The following CACNA1C variants were observed in gnomAD, a reference collection of about 807,000 sequenced individuals.
CACNA1C encodes calcium voltage-gated channel subunit alpha1 C, also known as voltage-dependent L-type calcium channel subunit alpha-1C.
Under a neutral mutation model 229.0 loss-of-function variants are expected in CACNA1C, and 30 were observed. The ratio of observed to expected loss-of-function variants is 0.13; its 90% CI spans 0.10 to 0.18. CACNA1C has a LOEUF of 0.18. CACNA1C is among the 10% of genes least tolerant of loss of function. The pLI, the probability that CACNA1C is intolerant of heterozygous loss-of-function variation, is 1.00. For synonymous variants in CACNA1C, 1,114 were observed against 1,132.5 expected, an observed-to-expected ratio of 0.98 and a Z score of 0.33; for missense variants, 1,658 against 2,845.0, an observed-to-expected ratio of 0.58 and a Z score of 9.49.
At chr12:2,623,616 A>T (rs546882100) in intron 29 of CACNA1C, among the ~76,000 whole-genome samples, 232 of 152,242 alleles carry the variant, frequency 1.5e-3, no homozygotes, top group Non-Finnish European at 2.8e-3. Flanking sequence ...TCCTTCCAGC[A>T]GGACTGGAAA....
rs140615509 is a variant in CACNA1C at position 2,586,016 on chromosome 12, G to T, written c.2530+112G>T. 1.3e-4 allele frequency: 77 copies of T among 592,970 alleles called. 2 individuals carry two copies. The African/African-American group carries it at 1.4e-3, about 10-fold the overall frequency. 36.7% of individuals were successfully genotyped at this position (592,970 alleles called of 1,614,324 possible). On this transcript the variant is annotated intron_variant, in intron 18 of 46. Coordinates refer to ENST00000399655, the MANE Select transcript of CACNA1C (RefSeq NM_000719.7). ...GGGACCATGGTTCCAGTGTCCCTCTGTAAGTACCTTCCACTGCTGAGTGTC... is the reference window on the plus strand; with the variant it reads ...GGGACCATGGTTCCAGTGTCCCTCTTTAAGTACCTTCCACTGCTGAGTGTC...
At chr12:2,314,763 G>A (rs1392315553) in intron 3 of CACNA1C, among the ~76,000 whole-genome samples, 1 of 152,040 alleles carries the variant, frequency 6.6e-6, no homozygotes, top group Non-Finnish European at 1.5e-5. Flanking sequence ...TACCCATTCT[G>A]TCATTGATGG....
At chr12:2,435,720 A>G (rs758323649) in intron 3 of CACNA1C, among the ~76,000 whole-genome samples, 2 of 152,106 alleles carry the variant, frequency 1.3e-5, no homozygotes, top group Non-Finnish European at 2.9e-5. Flanking sequence ...GTGCCCTTCA[A>G]CTTCTACTCT....
chr12:2,406,863 A>G (rs1214353583), intron 3 of CACNA1C, among the ~76,000 whole-genome samples: 2 of 152,200 alleles, frequency 1.3e-5, no homozygotes, highest in African/African-American at 4.8e-5. Flanking sequence ...TGTTCTGGGT[A>G]TTATGCAGCT....
intron 3 of CACNA1C, chr12:2,289,023 G>C (rs1266984914): frequency 6.6e-6 from 1 of 152,232 alleles, no homozygotes; most frequent in Non-Finnish European, 1.5e-5. Context: ...GGACCAAGCT[G>C]GGAGAACTAG....
At chr12:2,260,047 C>T (rs996149176) in intron 3 of CACNA1C, among the ~76,000 whole-genome samples, 11 of 152,226 alleles carry the variant, frequency 7.2e-5, no homozygotes, top group Non-Finnish European at 1.6e-4. Flanking sequence ...GAGAAACCAG[C>T]TTGCCTGGCA....
chr12:2,695,519 CAG>C lies in CACNA1C; in HGVS notation c.*4323_*4324del, dbSNP rs373898966. On this transcript the variant is annotated 3_prime_UTR_variant, in exon 47 of 47. Transcript: ENST00000399655. Reference sequence around the variant, plus strand: ...CACTCCCAGGGAGGCCCTCAGCCGCCAGAGTCCAGGTTCTCCAGAGGCTACGA... The same window carrying C: ...CACTCCCAGGGAGGCCCTCAGCCGCCAGTCCAGGTTCTCCAGAGGCTACGA... 4.6e-5 allele frequency: 7 copies of C among 152,528 alleles called. No homozygotes were observed. The highest frequency in any genetic ancestry group is 1.7e-4 in the African/African-American group (7 of 41,570). The allele number at this position is 152,528 out of a possible 1,614,324, so 9.4% of individuals were successfully genotyped here. A position where few individuals can be genotyped will look rare whatever the true frequency, so the allele number is the denominator to read the frequency against.
chr12:2,221,360 G>C (rs1474028778), intron 3 of CACNA1C, among the ~76,000 whole-genome samples: 1 of 152,202 alleles, frequency 6.6e-6, no homozygotes, highest in Non-Finnish European at 1.5e-5. Flanking sequence ...GAGGCCAGTT[G>C]GGTAGGAGAA....
chr12:2,010,358 G>A (rs187087783), intron 1 of CACNA1C, among the ~76,000 whole-genome samples: 217 of 152,298 alleles, frequency 1.4e-3, no homozygotes, highest in African/African-American at 4.8e-3. Flanking sequence ...GGCAGATAAT[G>A]GGGTGAAGAC....
At chr12:2,543,524 G>C (rs1482229267) in intron 9 of CACNA1C, among the ~76,000 whole-genome samples, 1 of 152,154 alleles carries the variant, frequency 6.6e-6, no homozygotes, top group Admixed American at 6.5e-5. Context: ...CTTGGTAATA[G>C]GAACACAAAC....
At chr12:2,496,241 A>G (rs1048061772) in intron 7 of CACNA1C, among the ~76,000 whole-genome samples, 1 of 152,324 alleles carries the variant, frequency 6.6e-6, no homozygotes. Context: ...TGGTGCTGGT[A>G]TGATGCTGCT....
intron 3 of CACNA1C, among the ~76,000 whole-genome samples, chr12:2,183,311 C>A (rs967702001): frequency 2.0e-5 from 3 of 152,176 alleles, no homozygotes; most frequent in African/African-American, 7.2e-5. Context: ...AGAGCTCCTT[C>A]GCCTGAGGGG....
At position 2,275,979 on chromosome 12, in the gene CACNA1C, C is replaced by T. The variant is rs2087782043; in HGVS notation, c.477+155549C>T. 6.6e-6 allele frequency among the ~76,000 whole-genome samples: 1 copy of T among 152,140 alleles called. No homozygotes were observed. The highest frequency in any genetic ancestry group is 2.4e-5 in the African/African-American group (1 of 41,412). On this transcript the variant is annotated intron_variant, in intron 3 of 46. Transcript: ENST00000399655. The surrounding 1 kb of genome is among the most constrained non-coding windows in gnomAD (Gnocchi z 4.1). ...CTCAGATACAAAACCCAAGGATGCC[C>T]ATGTCCTTTTATGTATGTAGATTAT...
chr12:2,342,601 C>T (rs150159379), intron 3 of CACNA1C, among the ~76,000 whole-genome samples: 1 of 152,230 alleles, frequency 6.6e-6, no homozygotes, highest in South Asian at 2.1e-4. Context: ...CTGTGTCATA[C>T]TGAAGCCCCC....
intron 1 of CACNA1C, among the ~76,000 whole-genome samples, chr12:1,990,367 TTAAACCCTTTAAACAATGTA>T (rs960506336): frequency 3.3e-5 from 5 of 152,332 alleles, no homozygotes; most frequent in Non-Finnish European, 7.4e-5. Context: ...TTAACAATGT[TTAAACCCTTTAAACAATGTA>T]TAAACCCTTT....
At chr12:2,424,550 G>A (rs1163807286) in intron 3 of CACNA1C, among the ~76,000 whole-genome samples, 3 of 152,216 alleles carry the variant, frequency 2.0e-5, no homozygotes, top group African/African-American at 7.2e-5. Context: ...AGGACACTTT[G>A]CAGAAAGCTC....
intron 30 of CACNA1C, chr12:2,641,760 G>A (rs1407432061): frequency 1.4e-6 from 1 of 702,500 alleles, no homozygotes; most frequent in East Asian, 2.7e-5. Context: ...TGTATCTCAG[G>A]TGAGCCTTTA....
chr12:2,177,793 C>G (rs1209328785), intron 3 of CACNA1C, among the ~76,000 whole-genome samples: 1 of 152,104 alleles, frequency 6.6e-6, no homozygotes, highest in Non-Finnish European at 1.5e-5. Context: ...TCTGCCACCA[C>G]ACCAGCCTAA....
At chr12:2,223,181 T>A (rs1281943554) in intron 3 of CACNA1C, among the ~76,000 whole-genome samples, 2 of 152,198 alleles carry the variant, frequency 1.3e-5, no homozygotes, top group African/African-American at 4.8e-5. Context: ...AATGTCTTAC[T>A]GGGGAGTCAC....
Sources: gnomAD v4.1 joint callset for allele counts (sites outside exome capture counted in the v4.1 genomes callset) on GRCh38, gnomAD v4.1.1 for gene constraint, Gnocchi (gnomAD v3.1) non-coding constraint, MANE v1.5 for transcripts, NCBI Gene and HGNC (gene_info 2026-07-23, HGNC 2026-07-21) for gene names.